The following MBD5 variants were observed in gnomAD, a reference collection of about 807,000 sequenced individuals.
MBD5 encodes the protein methyl-CpG-binding domain protein 5.
A neutral mutation model predicts 117.3 loss-of-function variants in MBD5; 13 were observed. The ratio of observed to expected loss-of-function variants is 0.11; its 90% confidence interval spans 0.07 to 0.18. MBD5 has a LOEUF of 0.18. Ranked by LOEUF, MBD5 falls within the 10% of genes least tolerant of loss-of-function variation. The pLI, the probability that MBD5 is intolerant of heterozygous loss-of-function variation, is 1.00. For missense variants in MBD5, 1,879 were observed against 2,093.8 expected, an observed-to-expected ratio of 0.90 and a Z score of 2.00; for synonymous variants, 727 against 766.4, an observed-to-expected ratio of 0.95 and a Z score of 0.85.
At chr2:148,172,789 G>T (rs975067208) in intron 1 of MBD5, among the ~76,000 whole-genome samples, 23 of 152,272 alleles carry the variant, frequency 1.5e-4, no homozygotes, top group African/African-American at 5.5e-4. Flanking sequence ...TCTGGACTCA[G>T]TCAGACTCAT....
intron 4 of MBD5, among the ~76,000 whole-genome samples, chr2:148,417,834 T>C (rs1705470906): frequency 6.8e-6 from 1 of 146,902 alleles, no homozygotes; most frequent in African/African-American, 2.7e-5. Flanking sequence ...GGGGGTGTTT[T>C]TTGTTTGTTT....
intron 1 of MBD5, among the ~76,000 whole-genome samples, chr2:148,105,179 T>C (rs1696335897): frequency 6.6e-6 from 1 of 151,990 alleles, no homozygotes; most frequent in South Asian, 2.1e-4. Flanking sequence ...GTTTAATGTC[T>C]GCAGCATCTA....
intron 1 of MBD5, among the ~76,000 whole-genome samples, chr2:148,154,514 G>T (rs1001469546): frequency 2.0e-4 from 30 of 152,300 alleles, no homozygotes; most frequent in African/African-American, 7.2e-4. Flanking sequence ...GGCAATGGTG[G>T]GCGCCCCTCC....
At chr2:148,263,996 C>G (rs1183676327) in intron 3 of MBD5, among the ~76,000 whole-genome samples, 2 of 152,128 alleles carry the variant, frequency 1.3e-5, no homozygotes, top group African/African-American at 2.4e-5. Context: ...ATAGGAGTTT[C>G]ATAACCTAGT....
intron 4 of MBD5, among the ~76,000 whole-genome samples, chr2:148,432,921 A>G (rs1293583854): frequency 6.6e-6 from 1 of 152,166 alleles, no homozygotes; most frequent in African/African-American, 2.4e-5. Flanking sequence ...TGGTAGTTTC[A>G]TAGGAATAGC....
At chr2:148,172,719 G>A (rs576610724) in intron 1 of MBD5, among the ~76,000 whole-genome samples, 7 of 152,204 alleles carry the variant, frequency 4.6e-5, no homozygotes, top group East Asian at 1.9e-4. Context: ...TTCCAGACCC[G>A]CCATGGCTGC....
At chr2:148,428,947 T>C (rs1370799038) in intron 4 of MBD5, among the ~76,000 whole-genome samples, 2 of 152,178 alleles carry the variant, frequency 1.3e-5, no homozygotes, top group Non-Finnish European at 1.5e-5. Flanking sequence ...AAAGCCTTCA[T>C]GACCAAAACA....
At chr2:148,502,338 C>A (rs1046927411) in intron 11 of MBD5, 98 bp from the exon 12 acceptor site, 5 of 1,069,006 alleles carry the variant, frequency 4.7e-6, no homozygotes, top group Non-Finnish European at 5.7e-6. Flanking sequence ...CTCCCCTCCC[C>A]GCCAGTGCAG....
intron 1 of MBD5, among the ~76,000 whole-genome samples, chr2:148,037,634 A>G (rs1413682706): frequency 6.6e-6 from 1 of 151,772 alleles, no homozygotes; most frequent in African/African-American, 2.4e-5. Flanking sequence ...ATTTTTCTCA[A>G]AGAGAAAAAA....
intron 3 of MBD5, among the ~76,000 whole-genome samples, chr2:148,271,902 C>T (rs1700995574): frequency 6.6e-6 from 1 of 152,160 alleles, no homozygotes; most frequent in Non-Finnish European, 1.5e-5. Context: ...TTTCTCCTGT[C>T]CAGCTGAAAT....
At chr2:148,463,416 T>A (rs1277723246) in intron 6 of MBD5, among the ~76,000 whole-genome samples, 1 of 152,194 alleles carries the variant, frequency 6.6e-6, no homozygotes, top group Non-Finnish European at 1.5e-5. Flanking sequence ...TTGTCTTTTT[T>A]AAGTGTACTT....
chr2:148,326,827 T>C (rs1702465449), intron 3 of MBD5, among the ~76,000 whole-genome samples: 2 of 151,490 alleles, frequency 1.3e-5, no homozygotes, highest in East Asian at 3.9e-4. Context: ...GAGCATTTAG[T>C]CCATTTACAT....
intron 4 of MBD5, among the ~76,000 whole-genome samples, chr2:148,364,949 G>T (rs1703653144): frequency 1.3e-5 from 2 of 152,142 alleles, no homozygotes; most frequent in Non-Finnish European, 2.9e-5. Flanking sequence ...AATTAACAAG[G>T]ATATTCAGGA....
At chr2:148,500,263 G>A (rs1681830659) in intron 11 of MBD5, among the ~76,000 whole-genome samples, 1 of 151,842 alleles carries the variant, frequency 6.6e-6, no homozygotes, top group Admixed American at 6.6e-5. Flanking sequence ...GCCTGTGTGT[G>A]TGTATTTTAT....
intron 1 of MBD5, chr2:148,027,444 G>A (rs1693930007): frequency 6.6e-6 from 1 of 151,858 alleles, no homozygotes; most frequent in African/African-American, 2.4e-5. Context: ...TATTACTTAA[G>A]TAACTTTTGT....
chr2:148,337,780 C>G (rs778169845), intron 3 of MBD5, among the ~76,000 whole-genome samples: 98 of 152,262 alleles, frequency 6.4e-4, no homozygotes, highest in Non-Finnish European at 1.2e-3. Flanking sequence ...TAAAAAGTAG[C>G]TTTATTGGCA....
chr2:148,155,233 C>T (rs1415594213), intron 1 of MBD5, among the ~76,000 whole-genome samples: 1 of 152,056 alleles, frequency 6.6e-6, no homozygotes, highest in Non-Finnish European at 1.5e-5. Flanking sequence ...ACCATTTAAG[C>T]AAAGATCTGA....
In MBD5 at chr2:148,362,856, T is replaced by A. The variant is rs577884081; in HGVS notation, c.-557+20520T>A. ...ATACCCAGGCAAACAGGGTCTGGAG[T>A]GGACCTCCAGCAAACTCCAGCAGAC... is the stretch of plus-strand genomic sequence containing the variant. On this transcript the variant is annotated intron_variant, in intron 4 of 13. Transcript: ENST00000642680. Among the ~76,000 whole-genome samples the A allele has an allele frequency of 7.9e-5, 12 of 152,060 alleles. No homozygotes were observed. The South Asian group carries it at 2.5e-3, about 32-fold the overall frequency.
chr2:148,282,610 A>G (rs1279029642), intron 3 of MBD5, among the ~76,000 whole-genome samples: 39 of 152,010 alleles, frequency 2.6e-4, no homozygotes, highest in East Asian at 1.9e-4. Flanking sequence ...TGAACCCTCA[A>G]TGAATGTTAG....
Sources: allele counts gnomAD v4.1 joint callset (sites outside exome capture counted in the v4.1 genomes callset), GRCh38; gene constraint gnomAD v4.1.1; transcripts MANE v1.5; gene names NCBI Gene and HGNC (gene_info 2026-07-23, HGNC 2026-07-21).